The following NPAS3 variants were observed in gnomAD, a reference collection of about 807,000 sequenced individuals.
NPAS3 encodes neuronal PAS domain-containing protein 3.
NPAS3 carries 14 observed loss-of-function variants against 73.1 expected under a neutral mutation model. The observed-to-expected ratio is 0.19, with a 90% CI of 0.13 to 0.30. The LOEUF (loss-of-function observed/expected upper bound fraction) is 0.30. Ranked by LOEUF, NPAS3 falls within the 10% of genes least tolerant of loss-of-function variation. NPAS3 has a pLI of 1.00. For missense variants in NPAS3, 1,096 were observed against 1,250.0 expected, an observed-to-expected ratio of 0.88 and a Z score of 1.86; for synonymous variants, 620 against 541.5, an observed-to-expected ratio of 1.14 and a Z score of -2.01.
At position 33,032,899 on chromosome 14, in the gene NPAS3, A is replaced by G. The variant is rs551715796; in HGVS notation, c.51-23006A>G. 4.6e-5 allele frequency among the ~76,000 whole-genome samples: 7 copies of G among 152,294 alleles called. No individual in the cohort carries two copies. In the South Asian group the frequency reaches 1.5e-3, roughly 32 times the overall value. On this transcript the variant is annotated intron_variant, in intron 1 of 11. Coordinates refer to ENST00000356141, the Ensembl canonical transcript of NPAS3. Reference sequence around the variant, plus strand: ...TTGATCTTGTGAGCTTGTATTATATATAGGGGTTTTCTGAGTCAGAATTTT... The same window carrying G: ...TTGATCTTGTGAGCTTGTATTATATGTAGGGGTTTTCTGAGTCAGAATTTT...
At chr14:33,440,331 T>C (rs2049189495) in intron 4 of NPAS3, among the ~76,000 whole-genome samples, 1 of 152,026 alleles carries the variant, frequency 6.6e-6, no homozygotes, top group South Asian at 2.1e-4. Flanking sequence ...CTCAGGGTGG[T>C]CTCAAGCCTG....
chr14:33,203,411 C>G (rs2046696367), intron 2 of NPAS3, among the ~76,000 whole-genome samples: 1 of 151,812 alleles, frequency 6.6e-6, no homozygotes, highest in Admixed American at 6.6e-5. Flanking sequence ...TATACATGTG[C>G]CATGTATACA....
At chr14:33,062,616 A>C (rs2041147898) in intron 2 of NPAS3, among the ~76,000 whole-genome samples, 1 of 152,380 alleles carries the variant, frequency 6.6e-6, no homozygotes, top group South Asian at 2.1e-4. Context: ...ATTTTAAAAA[A>C]TAATTGGTTG....
intron 3 of NPAS3, among the ~76,000 whole-genome samples, chr14:33,347,980 G>A (rs1280191811): frequency 6.6e-6 from 1 of 152,106 alleles, no homozygotes; most frequent in African/African-American, 2.4e-5. Flanking sequence ...TGGAAAGTGA[G>A]TCAGTAGGAG....
intron 3 of NPAS3, among the ~76,000 whole-genome samples, chr14:33,331,540 T>TC (rs1020082983): frequency 2.6e-4 from 40 of 151,850 alleles, no homozygotes; most frequent in Non-Finnish European, 4.4e-4. Context: ...GTTGTTTATC[T>TC]CCCCCCACCG....
At chr14:33,590,458 G>A (rs1459822702) in intron 5 of NPAS3, among the ~76,000 whole-genome samples, 1 of 152,112 alleles carries the variant, frequency 6.6e-6, no homozygotes, top group East Asian at 1.9e-4. Context: ...CAAGGTGAGT[G>A]AGATATATAG....
At chr14:33,367,049 A>G (rs2045875256) in intron 3 of NPAS3, 137 bp from the exon 4 acceptor site, 1 of 454,300 alleles carries the variant, frequency 2.2e-6, no homozygotes, top group African/African-American at 2.0e-5. Flanking sequence ...CAGAACTAAA[A>G]TTAATACTGG....
chr14:33,182,001 A>G (rs563620985), intron 2 of NPAS3, among the ~76,000 whole-genome samples: 4 of 152,042 alleles, frequency 2.6e-5, no homozygotes, highest in African/African-American at 9.7e-5. Context: ...CATATATATG[A>G]TTTTTTCTCC....
chr14:33,579,707 T>TA (rs2056587942), intron 5 of NPAS3, among the ~76,000 whole-genome samples: 1 of 152,068 alleles, frequency 6.6e-6, no homozygotes, highest in African/African-American at 2.4e-5. Flanking sequence ...CTGTGAGGAA[T>TA]AAAAAGAAGA....
At chr14:32,972,801 G>C (rs2037492171) in intron 1 of NPAS3, among the ~76,000 whole-genome samples, 1 of 152,156 alleles carries the variant, frequency 6.6e-6, no homozygotes, top group African/African-American at 2.4e-5. Flanking sequence ...ACTGGAAATG[G>C]ATAGAAGTGA....
intron 7 of NPAS3, among the ~76,000 whole-genome samples, chr14:33,760,283 T>C (rs2062241440): frequency 6.6e-6 from 1 of 152,288 alleles, no homozygotes; most frequent in South Asian, 2.1e-4. Context: ...GCTTTCCCAA[T>C]TTTACTCGGG....
chr14:33,568,655 A>T (rs74602187), intron 5 of NPAS3, among the ~76,000 whole-genome samples: 1 of 152,140 alleles, frequency 6.6e-6, no homozygotes, highest in Admixed American at 6.5e-5. Flanking sequence ...TTTCATTTCT[A>T]TACACACACA....
intron 1 of NPAS3, among the ~76,000 whole-genome samples, chr14:33,043,674 CT>C (rs1337007842): frequency 6.6e-6 from 1 of 152,106 alleles, no homozygotes; most frequent in African/African-American, 2.4e-5. Context: ...GCTGTTAACT[CT>C]TACTGCAGTT....
rs150682160 is a variant in NPAS3, at chr14:33,743,335, T to G, written c.852+8003T>G. 2.0e-3 allele frequency among the ~76,000 whole-genome samples: 305 copies of G among 152,336 alleles called. 2 individuals carry two copies. The highest frequency in any genetic ancestry group is 6.9e-3 in the African/African-American group (285 of 41,590). ...TTTACAACACTGACCCCCCTGTATG[T>G]TGCCATTAGAGTTCTTGGATGACTA... On this transcript the variant is annotated intron_variant, in intron 7 of 11. Transcript: ENST00000356141.
intron 4 of NPAS3, among the ~76,000 whole-genome samples, chr14:33,368,326 A>G (rs1277858512): frequency 6.6e-6 from 1 of 150,778 alleles, no homozygotes; most frequent in African/African-American, 2.4e-5. Context: ...AAAAAAAAAG[A>G]AGAAAAAATA....
At chr14:33,776,799 A>G (rs2062835404) in intron 8 of NPAS3, among the ~76,000 whole-genome samples, 2 of 152,122 alleles carry the variant, frequency 1.3e-5, no homozygotes, top group Admixed American at 1.3e-4. Context: ...AGGTGCCATC[A>G]GGATTCTGAT....
chr14:33,687,101 C>T (rs1359665209), intron 6 of NPAS3, among the ~76,000 whole-genome samples: 2 of 152,156 alleles, frequency 1.3e-5, no homozygotes, highest in Admixed American at 1.3e-4. Context: ...TAGAAAAAGA[C>T]AGAAATATGC....
At chr14:33,750,385 C>A (rs2061930580) in intron 7 of NPAS3, among the ~76,000 whole-genome samples, 1 of 152,056 alleles carries the variant, frequency 6.6e-6, no homozygotes, top group Admixed American at 6.5e-5. Flanking sequence ...ACTCCCCATG[C>A]TTTTAAAGAA....
chr14:33,553,686 TA>T (rs1487171430), intron 4 of NPAS3, among the ~76,000 whole-genome samples: 1 of 152,324 alleles, frequency 6.6e-6, no homozygotes. Flanking sequence ...AAATAAAGCC[TA>T]AACCTTTGAT....
Sources: gnomAD v4.1 joint callset for allele counts (sites outside exome capture counted in the v4.1 genomes callset) on GRCh38, gnomAD v4.1.1 for gene constraint, MANE v1.5 for transcripts, NCBI Gene and HGNC (gene_info 2026-07-23, HGNC 2026-07-21) for gene names.